Variants in STT3B observed in about 807,000 individuals in gnomAD.
STT3B encodes STT3 oligosaccharyltransferase complex catalytic subunit B.
A neutral mutation model predicts 96.8 loss-of-function variants in STT3B; 29 were observed. The ratio of observed to expected loss-of-function variants is 0.30; its 90% CI spans 0.22 to 0.41. The LOEUF is 0.41. Among genes scored for constraint, STT3B ranks in the 10% least tolerant of loss-of-function variants. STT3B has a pLI of 1.00. For synonymous variants in STT3B, 367 were observed against 360.0 expected (o/e 1.02, Z -0.22); for missense variants, 640 against 1,022.3 (o/e 0.63, Z 5.10).
rs1027811931 is a variant in STT3B, at chr3:31,637,426, T to C, written c.*1362T>C. 2.0e-5 allele frequency: 3 copies of C among 152,212 alleles called. No homozygotes were observed. Among genetic ancestry groups the C allele is most frequent in the Non-Finnish European group, 4.4e-5 (3 of 68,004 alleles). The allele number at this position is 152,212 out of a possible 1,614,324, so 9.4% of individuals were successfully genotyped here. A position where few individuals can be genotyped will look rare whatever the true frequency, so the allele number is the denominator to read the frequency against. ...GTAGAATATTCTTTGATTTATAGAA[T>C]TCATTTTTGACCCAGATGATGGTTC... On this transcript the variant is annotated 3_prime_UTR_variant, in exon 16 of 16. Coordinates refer to ENST00000295770, the MANE Select transcript of STT3B (RefSeq NM_178862.3).
intron 14 of STT3B, among the ~76,000 whole-genome samples, chr3:31,632,579 C>T (rs1428206388): frequency 6.6e-6 from 1 of 151,664 alleles, no homozygotes; most frequent in Admixed American, 6.6e-5. Flanking sequence ...TAGTGCAAGG[C>T]CCTGAAACAG....
intron 3 of STT3B, among the ~76,000 whole-genome samples, chr3:31,582,334 G>C (rs1698425850): frequency 7.6e-6 from 1 of 132,214 alleles, no homozygotes; most frequent in African/African-American, 2.7e-5. Context: ...GTCTTGCTCT[G>C]TTGCCCAGGC....
At chr3:31,545,932 G>T (rs1390523869) in intron 1 of STT3B, among the ~76,000 whole-genome samples, 1 of 151,444 alleles carries the variant, frequency 6.6e-6, no homozygotes. Flanking sequence ...CCCCTGCTGT[G>T]AAAACAATAT....
At chr3:31,557,694 G>A (rs542202145) in intron 1 of STT3B, among the ~76,000 whole-genome samples, 16 of 152,060 alleles carry the variant, frequency 1.1e-4, no homozygotes, top group South Asian at 4.2e-4. Flanking sequence ...GTGCAGTGGC[G>A]CAGTCTCGGC....
At chr3:31,607,748 G>T in intron 5 of STT3B, among the ~76,000 whole-genome samples, 1 of 65,596 alleles carries the variant, frequency 1.5e-5, no homozygotes, top group East Asian at 2.9e-4. Flanking sequence ...TGTTGTTTTT[G>T]GGGGGTTGTT....
At chr3:31,573,648 C>T (rs1033148670) in intron 1 of STT3B, among the ~76,000 whole-genome samples, 2 of 152,034 alleles carry the variant, frequency 1.3e-5, no homozygotes, top group Non-Finnish European at 2.9e-5. Context: ...GGTGTCTGAT[C>T]AGGAGTTTAG....
At chr3:31,545,243 TC>T (rs1327872367) in intron 1 of STT3B, among the ~76,000 whole-genome samples, 2 of 152,190 alleles carry the variant, frequency 1.3e-5, no homozygotes, top group Admixed American at 1.3e-4. Flanking sequence ...ATCAGTCACT[TC>T]ATTAGAAAGG....
intron 5 of STT3B, among the ~76,000 whole-genome samples, chr3:31,608,476 G>A (rs1699108007): frequency 6.6e-6 from 1 of 152,184 alleles, no homozygotes; most frequent in Admixed American, 6.5e-5. Flanking sequence ...CACCTATGCT[G>A]CTAATATGAC....
intron 5 of STT3B, among the ~76,000 whole-genome samples, chr3:31,601,764 G>C (rs987383958): frequency 3.9e-5 from 6 of 152,118 alleles, no homozygotes; most frequent in Non-Finnish European, 7.4e-5. Flanking sequence ...AAATTTTATA[G>C]TATATTAATT....
At chr3:31,629,933 G>A (rs1575449421) in intron 14 of STT3B, among the ~76,000 whole-genome samples, 2 of 152,214 alleles carry the variant, frequency 1.3e-5, no homozygotes, top group Non-Finnish European at 2.9e-5. Flanking sequence ...GAGTGAATGT[G>A]CAAAGAGGCA....
chr3:31,542,700 T>A (rs187131245), intron 1 of STT3B, among the ~76,000 whole-genome samples: 8 of 152,304 alleles, frequency 5.3e-5, no homozygotes, highest in Admixed American at 2.0e-4. Context: ...TTTAAGCTAT[T>A]TTTAACGCCT....
chr3:31,533,325 C>G lies in STT3B; in HGVS notation c.314+13C>G, dbSNP rs1283313760. ...AGTTCGACCCGTGGTAAGTGCCTCG[C>G]CGCCCCTCCCCCGCCCGTGGCCCGC... On this transcript the variant is annotated intron_variant, in intron 1 of 15. Coordinates refer to ENST00000295770, the MANE Select transcript of STT3B (RefSeq NM_178862.3). The G allele has an allele frequency of 6.6e-7, 1 of 1,511,670 alleles. No homozygotes were observed. Among genetic ancestry groups the G allele is most frequent in the Non-Finnish European group, 8.9e-7 (1 of 1,128,640 alleles). The allele number at this position is 1,511,670 out of a possible 1,614,324, so 93.6% of individuals were successfully genotyped here.
intron 1 of STT3B, among the ~76,000 whole-genome samples, chr3:31,544,615 T>C (rs1037971943): frequency 1.3e-5 from 2 of 152,218 alleles, no homozygotes; most frequent in Non-Finnish European, 2.9e-5. Context: ...TGTCCATCAG[T>C]GTGCCTTTAA....
At position 31,618,092 on chromosome 3, in the gene STT3B, C is replaced by G. The variant is rs1229752579; in HGVS notation, c.1172+104C>G. ...TTCACTCAGTTCTTGGGCAACACTTCTAAGTACCAAAGATGCTAGTTTAGT... is the reference window on the plus strand; with the variant it reads ...TTCACTCAGTTCTTGGGCAACACTTGTAAGTACCAAAGATGCTAGTTTAGT... On this transcript the variant is annotated intron_variant, in intron 8 of 15. Coordinates refer to ENST00000295770, the MANE Select transcript of STT3B (RefSeq NM_178862.3). The G allele has an allele frequency of 1.4e-5, 11 of 794,756 alleles. No individual in the cohort carries two copies. The Admixed American group carries it at 1.6e-4, about 11-fold the overall frequency. 49.2% of individuals were successfully genotyped at this position (794,756 alleles called of 1,614,324 possible). A position where few individuals can be genotyped will look rare whatever the true frequency, so the allele number is the denominator to read the frequency against.
chr3:31,553,646 G>A (rs537873783), intron 1 of STT3B, among the ~76,000 whole-genome samples: 18 of 152,270 alleles, frequency 1.2e-4, no homozygotes, highest in African/African-American at 4.1e-4. Flanking sequence ...TGAGGGTGAT[G>A]TTATGCATAC....
chr3:31,623,577 T>A (rs1411462349), intron 10 of STT3B, 97 bp from the exon 11 acceptor site: 1 of 876,950 alleles, frequency 1.1e-6, no homozygotes, highest in South Asian at 2.0e-5. Context: ...TAGAATTAAA[T>A]TGATAGATAA....
rs137937100 is a variant in STT3B at position 31,592,173 on chromosome 3, A to G, written c.712-4625A>G. On this transcript the variant is annotated intron_variant, in intron 3 of 15. Coordinates refer to ENST00000295770, the MANE Select transcript of STT3B (RefSeq NM_178862.3). ...CACCATTCAAATTTTTGTCTCTATG[A>G]TTTTGACTAAATACTTCACATAGGT... Among the ~76,000 whole-genome samples, 674 of 152,056 alleles carry G rather than the reference A, an allele frequency of 4.4e-3. 5 individuals carry two copies. Among genetic ancestry groups the G allele is most frequent in the African/African-American group, 0.015 (613 of 41,484 alleles).
rs1183892453 is a variant in STT3B, at chr3:31,578,797, G to A, written c.424-1012G>A. On this transcript the variant is annotated intron_variant, in intron 2 of 15. Coordinates refer to ENST00000295770, the MANE Select transcript of STT3B (RefSeq NM_178862.3). ...GCTATTCTGGAGCTTATATTCTTGT[G>A]AGCGTAGGCAGTTAATAAATAGAAA... Among the ~76,000 whole-genome samples, 8 of 151,978 alleles carry A rather than the reference G, an allele frequency of 5.3e-5. No homozygotes were observed. In the East Asian group the frequency reaches 7.7e-4, roughly 15 times the overall value.
chr3:31,545,368 AATC>A (rs2125437196), intron 1 of STT3B, among the ~76,000 whole-genome samples: 1 of 152,346 alleles, frequency 6.6e-6, no homozygotes, highest in Admixed American at 6.5e-5. Flanking sequence ...CTTTTGGAAT[AATC>A]ATTCTGGACA....
Sources: gnomAD v4.1 joint callset for allele counts (sites outside exome capture counted in the v4.1 genomes callset) on GRCh38, gnomAD v4.1.1 for gene constraint, MANE v1.5 for transcripts, NCBI Gene and HGNC (gene_info 2026-07-23, HGNC 2026-07-21) for gene names.